Variants in KCNN2 observed in about 807,000 individuals in gnomAD.
The protein encoded by KCNN2 is small conductance calcium-activated potassium channel protein 2.
KCNN2 carries 24 observed loss-of-function variants against 55.5 expected under a neutral mutation model. The observed-to-expected ratio is 0.43, with a 90% CI of 0.31 to 0.61. The LOEUF is 0.61. Ranked by LOEUF, KCNN2 falls within the 20% of genes least tolerant of loss-of-function variation. KCNN2 has a pLI of 0.08. For synonymous variants in KCNN2, 431 were observed against 336.1 expected (o/e 1.28, Z -3.09); for missense variants, 754 against 853.6 (o/e 0.88, Z 1.45).
At chr5:114,340,048 G>C (rs1048685792) in intron 2 of KCNN2, among the ~76,000 whole-genome samples, 3 of 152,096 alleles carry the variant, frequency 2.0e-5, no homozygotes, top group African/African-American at 7.2e-5. Flanking sequence ...GTCAGGATTT[G>C]AATTCAGGAC....
intron 2 of KCNN2, among the ~76,000 whole-genome samples, chr5:114,286,081 G>T (rs1218084613): frequency 6.6e-6 from 1 of 151,944 alleles, no homozygotes; most frequent in African/African-American, 2.4e-5. Context: ...CACCATGCCT[G>T]GCTAATTTTG....
chr5:114,195,599 C>T (rs1753539064), intron 1 of KCNN2, among the ~76,000 whole-genome samples: 1 of 151,788 alleles, frequency 6.6e-6, no homozygotes, highest in African/African-American at 2.4e-5. Context: ...TTAGGATTTT[C>T]TATATACAAA....
At chr5:114,151,664 T>G (rs188137013) in intron 1 of KCNN2, among the ~76,000 whole-genome samples, 1 of 152,172 alleles carries the variant, frequency 6.6e-6, no homozygotes, top group Non-Finnish European at 1.5e-5. Flanking sequence ...TTTAAACTTC[T>G]GAACTAGTGA....
At chr5:114,313,147 C>G (rs1181725101) in intron 2 of KCNN2, among the ~76,000 whole-genome samples, 1 of 152,078 alleles carries the variant, frequency 6.6e-6, no homozygotes, top group African/African-American at 2.4e-5. Flanking sequence ...GACATTTATT[C>G]TGAAAGCCAT....
intron 5 of KCNN2, among the ~76,000 whole-genome samples, chr5:114,477,793 T>C (rs1263837562): frequency 6.6e-6 from 1 of 152,160 alleles, no homozygotes; most frequent in Non-Finnish European, 1.5e-5. Flanking sequence ...AGACATAATT[T>C]TTAAAGTTGC....
At chr5:114,070,647 C>T (rs1750549317) in intron 1 of KCNN2, among the ~76,000 whole-genome samples, 1 of 152,184 alleles carries the variant, frequency 6.6e-6, no homozygotes, top group South Asian at 2.1e-4. Flanking sequence ...ATTCTCAGGA[C>T]TGACATGAAC....
chr5:114,158,717 A>C (rs1752695888), intron 1 of KCNN2, among the ~76,000 whole-genome samples: 1 of 151,238 alleles, frequency 6.6e-6, no homozygotes, highest in Non-Finnish European at 1.5e-5. Flanking sequence ...GAGGTCCTTC[A>C]CATCCCTTGT....
At chr5:114,329,570 A>C (rs1292492756) in intron 2 of KCNN2, among the ~76,000 whole-genome samples, 1 of 152,188 alleles carries the variant, frequency 6.6e-6, no homozygotes, top group African/African-American at 2.4e-5. Context: ...CTTCGGTCAC[A>C]GACTGAAAGG....
At chr5:114,218,491 A>G (rs895526791) in intron 1 of KCNN2, among the ~76,000 whole-genome samples, 1 of 152,242 alleles carries the variant, frequency 6.6e-6, no homozygotes, top group Admixed American at 6.5e-5. Context: ...TCCATCTTCA[A>G]AGGCTACATA....
chr5:114,237,415 T>C (rs1754525309), intron 2 of KCNN2, among the ~76,000 whole-genome samples: 1 of 152,076 alleles, frequency 6.6e-6, no homozygotes, highest in African/African-American at 2.4e-5. Flanking sequence ...TTGAGGGAGC[T>C]GACCTAGATT....
intron 4 of KCNN2, among the ~76,000 whole-genome samples, chr5:114,469,068 C>G (rs1190650135): frequency 6.6e-6 from 1 of 152,160 alleles, no homozygotes; most frequent in African/African-American, 2.4e-5. Context: ...GAGAAAAACA[C>G]TACATTTTAA....
chr5:114,223,763 C>T (rs770376136), intron 2 of KCNN2, among the ~76,000 whole-genome samples: 121 of 152,090 alleles, frequency 8.0e-4, no homozygotes, highest in Non-Finnish European at 1.3e-3. Context: ...ATGAAGGACT[C>T]AATGAACTAA....
At position 114,162,328 on chromosome 5, in the gene KCNN2, AC is replaced by A. The variant is rs199792977; in HGVS notation, c.-270-59150del. 9.3e-3 allele frequency among the ~76,000 whole-genome samples: 1,414 copies of A among 152,262 alleles called. 21 individuals carry two copies. Among genetic ancestry groups the A allele is most frequent in the African/African-American group, 0.032 (1,342 of 41,548 alleles). On this transcript the variant is annotated intron_variant, in intron 1 of 10. Coordinates refer to the KCNN2 transcript ENST00000512097. ...GCTGCAGAACAGCGGATATCGGTGA[AC>A]CGCAAATGCTGCTGCCAGATTGTTG...
chr5:114,478,032 G>T (rs1762051440), intron 5 of KCNN2, among the ~76,000 whole-genome samples: 1 of 152,124 alleles, frequency 6.6e-6, no homozygotes, highest in Non-Finnish European at 1.5e-5. Context: ...ACTTGGCTAT[G>T]CCCTGTTCCA....
intron 2 of KCNN2, among the ~76,000 whole-genome samples, chr5:114,230,436 C>T (rs1321361768): frequency 1.5e-5 from 2 of 132,212 alleles, no homozygotes; most frequent in African/African-American, 5.7e-5. Flanking sequence ...CTCCCCGCTC[C>T]CCCCACCCCA....
At chr5:114,284,358 T>TA (rs1347878258) in intron 2 of KCNN2, among the ~76,000 whole-genome samples, 1 of 152,214 alleles carries the variant, frequency 6.6e-6, no homozygotes, top group African/African-American at 2.4e-5. Context: ...ATTGGATTTT[T>TA]AAAAAATTTC....
intron 5 of KCNN2, among the ~76,000 whole-genome samples, chr5:114,477,994 C>T (rs1475471863): frequency 1.3e-5 from 2 of 152,010 alleles, no homozygotes; most frequent in African/African-American, 2.4e-5. Flanking sequence ...GGCTCACAGC[C>T]CAGGGGGTTA....
At chr5:114,467,625 G>C (rs1761519359) in intron 4 of KCNN2, among the ~76,000 whole-genome samples, 1 of 152,026 alleles carries the variant, frequency 6.6e-6, no homozygotes, top group African/African-American at 2.4e-5. Flanking sequence ...TCAGTCATAA[G>C]GCTAAATTCC....
chr5:114,348,143 T>C (rs1419079296), intron 2 of KCNN2, among the ~76,000 whole-genome samples: 1 of 152,124 alleles, frequency 6.6e-6, no homozygotes, highest in African/African-American at 2.4e-5. Context: ...ATATATTTTC[T>C]AAATTGCCAC....
Sources: allele counts gnomAD v4.1 joint callset (sites outside exome capture counted in the v4.1 genomes callset), GRCh38; gene constraint gnomAD v4.1.1; transcripts MANE v1.5; gene names NCBI Gene and HGNC (gene_info 2026-07-23, HGNC 2026-07-21).